ATE1: variants seen among roughly 807,000 people sequenced by gnomAD.
ATE1 encodes arginyl-tRNA--protein transferase 1.
In ATE1, 36 loss-of-function variants were observed where a neutral mutation model predicts 70.5. That is an observed-to-expected ratio of 0.51 (90% confidence interval 0.39 to 0.67). The LOEUF is 0.67. Among genes scored for constraint, ATE1 ranks in the 30% least tolerant of loss-of-function variants. The pLI is 0.00. For synonymous variants in ATE1, 232 were observed against 219.3 expected (o/e 1.06, Z -0.51); for missense variants, 593 against 629.5 (o/e 0.94, Z 0.62).
chr10:121,805,597 A>G (rs1947064532), intron 10 of ATE1, among the ~76,000 whole-genome samples: 1 of 152,230 alleles, frequency 6.6e-6, no homozygotes, highest in African/African-American at 2.4e-5. Context: ...CTAAAATGGT[A>G]CTAATACTTT....
chr10:121,796,181 C>T (rs886344202), intron 10 of ATE1, among the ~76,000 whole-genome samples: 1 of 152,040 alleles, frequency 6.6e-6, no homozygotes, highest in African/African-American at 2.4e-5. Flanking sequence ...GAAATTCAGC[C>T]GTCCAACAAG....
intron 1 of ATE1, among the ~76,000 whole-genome samples, chr10:121,925,198 A>C (rs1235755259): frequency 6.6e-6 from 1 of 152,194 alleles, no homozygotes; most frequent in African/African-American, 2.4e-5. Flanking sequence ...AGATGGGCAG[A>C]TCATCTGAGG....
intron 5 of ATE1, 104 bp from the exon 6 acceptor site, chr10:121,902,724 T>A: frequency 8.8e-7 from 1 of 1,139,142 alleles, no homozygotes; most frequent in African/African-American, 1.6e-5. Flanking sequence ...GTTTCAATGG[T>A]TAGGCTAGCT....
At chr10:121,911,889 G>A (rs1951451114) in intron 4 of ATE1, among the ~76,000 whole-genome samples, 1 of 152,088 alleles carries the variant, frequency 6.6e-6, no homozygotes, top group Non-Finnish European at 1.5e-5. Context: ...TGGGACCACA[G>A]GCGCCCACCA....
chr10:121,873,825 A>G (rs931616842), intron 7 of ATE1, among the ~76,000 whole-genome samples: 9 of 152,162 alleles, frequency 5.9e-5, no homozygotes, highest in Non-Finnish European at 1.3e-4. Flanking sequence ...TTAAATTCCT[A>G]TCTTTTAAAG....
At chr10:121,809,902 C>CAAAAAA in intron 10 of ATE1, among the ~76,000 whole-genome samples, 1 of 141,182 alleles carries the variant, frequency 7.1e-6, no homozygotes, top group East Asian at 2.1e-4. Context: ...CAAAACAAAA[C>CAAAAAA]AAAAAAAAAA....
Position 121,806,902 on chromosome 10 carries a change from A to G in ATE1, c.1258-16613T>C, listed in dbSNP as rs538770926. The stretch of plus-strand genomic sequence containing the variant: ...TTTAAAATTTAGGAGAAAAAGTCAG[A>G]TTCAATGAATACATACTCCTCTCTT... On this transcript the variant is annotated intron_variant, in intron 10 of 11. Transcript: ENST00000224652. Among the ~76,000 whole-genome samples the G allele has an allele frequency of 3.3e-5, 5 of 152,336 alleles. No individual in the cohort carries two copies. In the South Asian group the frequency reaches 8.3e-4, roughly 25 times the overall value.
chr10:121,745,683 C>T (rs1327182158), intron 11 of ATE1, among the ~76,000 whole-genome samples: 1 of 152,126 alleles, frequency 6.6e-6, no homozygotes. Context: ...GCCGAGATGG[C>T]ATCACTGCAC....
chr10:121,879,726 G>C (rs958827138), intron 7 of ATE1, among the ~76,000 whole-genome samples: 1 of 152,192 alleles, frequency 6.6e-6, no homozygotes, highest in East Asian at 1.9e-4. Context: ...AGGTCACGGT[G>C]AGATTCCATA....
At chr10:121,761,970 T>G (rs1037515268) in intron 11 of ATE1, among the ~76,000 whole-genome samples, 1 of 152,196 alleles carries the variant, frequency 6.6e-6, no homozygotes, top group Admixed American at 6.5e-5. Flanking sequence ...AGCATTTACT[T>G]AATGGCCATT....
At chr10:121,793,432 A>C (rs1311467776) in intron 10 of ATE1, among the ~76,000 whole-genome samples, 1 of 152,212 alleles carries the variant, frequency 6.6e-6, no homozygotes, top group Non-Finnish European at 1.5e-5. Flanking sequence ...TAACTTTTAT[A>C]GTGTCAAATG....
intron 11 of ATE1, among the ~76,000 whole-genome samples, chr10:121,752,955 T>C (rs947232603): frequency 2.0e-5 from 3 of 152,246 alleles, no homozygotes; most frequent in African/African-American, 7.2e-5. Context: ...CTTAACAATA[T>C]TAAGTCTCCT....
At chr10:121,900,146 A>T (rs1213034725) in intron 6 of ATE1, 152 bp from the exon 7 acceptor site, 5 of 834,638 alleles carry the variant, frequency 6.0e-6, no homozygotes, top group Non-Finnish European at 8.8e-6. Flanking sequence ...ACCAGTTAGT[A>T]AATAAAGAAA....
chr10:121,855,483 G>A (rs943377977), intron 8 of ATE1, among the ~76,000 whole-genome samples: 7 of 152,196 alleles, frequency 4.6e-5, no homozygotes, highest in African/African-American at 1.4e-4. Context: ...GATCTGAAAC[G>A]ATGAGTTTCT....
chr10:121,820,669 G>C (rs959593447), intron 10 of ATE1, among the ~76,000 whole-genome samples: 2 of 152,216 alleles, frequency 1.3e-5, no homozygotes, highest in Non-Finnish European at 2.9e-5. Context: ...TACAGGAAGA[G>C]AGCAACAGTT....
At chr10:121,804,722 CTT>C (rs148382329) in intron 10 of ATE1, among the ~76,000 whole-genome samples, 60 of 133,842 alleles carry the variant, frequency 4.5e-4, no homozygotes, top group Admixed American at 4.5e-4. Context: ...ATTCTAGCAA[CTT>C]TTTTTTTTTT....
At chr10:121,833,020 T>C (rs1250502771) in intron 10 of ATE1, among the ~76,000 whole-genome samples, 1 of 152,174 alleles carries the variant, frequency 6.6e-6, no homozygotes, top group Admixed American at 6.5e-5. Flanking sequence ...GCTACCCAAC[T>C]AGGTAGAGTC....
chr10:121,768,143 A>G (rs1945352931), intron 11 of ATE1, among the ~76,000 whole-genome samples: 1 of 152,238 alleles, frequency 6.6e-6, no homozygotes, highest in Non-Finnish European at 1.5e-5. Flanking sequence ...TAGAGAAGTC[A>G]AATTTATAGA....
chr10:121,877,243 ACATCT>A (rs1950084157), intron 7 of ATE1, among the ~76,000 whole-genome samples: 1 of 152,228 alleles, frequency 6.6e-6, no homozygotes, highest in Non-Finnish European at 1.5e-5. Flanking sequence ...AAATACTAAA[ACATCT>A]CATAAGAAGT....
Sources: allele counts gnomAD v4.1 joint callset (sites outside exome capture counted in the v4.1 genomes callset), GRCh38; gene constraint gnomAD v4.1.1; transcripts MANE v1.5; gene names NCBI Gene and HGNC (gene_info 2026-07-23, HGNC 2026-07-21).